ATP6V1C2: variants seen among roughly 807,000 people sequenced by gnomAD.
ATP6V1C2 encodes ATPase H+ transporting V1 subunit C2, also known as V-type proton ATPase subunit C 2.
Under a neutral mutation model 56.8 loss-of-function variants are expected in ATP6V1C2, and 45 were observed. The observed-to-expected ratio is 0.79, with a 90% CI of 0.62 to 1.02. The LOEUF (loss-of-function observed/expected upper bound fraction) is 1.02, where lower values mean the gene tolerates loss of function less well. ATP6V1C2 is among the 50% of genes least tolerant of loss of function. ATP6V1C2 has a pLI of 0.00. For missense variants in ATP6V1C2, 463 were observed against 519.7 expected (o/e 0.89, Z 1.06); for synonymous variants, 220 against 201.3 (o/e 1.09, Z -0.79).
chr2:10,775,918 C>G (rs1396061058), intron 10 of ATP6V1C2, among the ~76,000 whole-genome samples: 1 of 152,078 alleles, frequency 6.6e-6, no homozygotes, highest in Non-Finnish European at 1.5e-5. Context: ...TTCTTGAGGC[C>G]TTTGGGGGAA....
chr2:10,755,212 T>A (rs1484874042), intron 4 of ATP6V1C2, among the ~76,000 whole-genome samples: 1 of 152,116 alleles, frequency 6.6e-6, no homozygotes, highest in East Asian at 1.9e-4. Context: ...AGTTTTGTAT[T>A]TTTAGTAGAG....
intron 4 of ATP6V1C2, chr2:10,757,604 A>G (rs1430956018): frequency 2.5e-6 from 1 of 396,322 alleles, no homozygotes; most frequent in African/African-American, 2.1e-5. Context: ...CACAATATCC[A>G]TATGACACAG....
rs749208299 is a variant in ATP6V1C2, at chr2:10,763,763, C to G, written c.284-568C>G. On this transcript the variant is annotated intron_variant, in intron 4 of 13. Coordinates refer to ENST00000272238, the MANE Select transcript of ATP6V1C2 (RefSeq NM_001039362.2). The surrounding 1 kb of genome is among the most constrained non-coding windows in gnomAD (Gnocchi z 4.2). ...GAAGAGAGCAGGCAAGGTGCCACTCCGCTGTGTCTCAGGTAGGGAAATTGA... is the reference window on the plus strand; with the variant it reads ...GAAGAGAGCAGGCAAGGTGCCACTCGGCTGTGTCTCAGGTAGGGAAATTGA... Among the ~76,000 whole-genome samples the G allele has an allele frequency of 6.6e-6, 1 of 152,166 alleles. No individual in the cohort carries two copies. Among genetic ancestry groups the G allele is most frequent in the South Asian group, 2.1e-4 (1 of 4,834 alleles).
At chr2:10,750,042 T>C (rs1215940594) in intron 3 of ATP6V1C2, among the ~76,000 whole-genome samples, 1 of 152,246 alleles carries the variant, frequency 6.6e-6, no homozygotes, top group Non-Finnish European at 1.5e-5. Flanking sequence ...AGAAAAATTT[T>C]CTGATTAAGT....
At chr2:10,746,318 G>A (rs907157894) in intron 3 of ATP6V1C2, among the ~76,000 whole-genome samples, 1 of 151,886 alleles carries the variant, frequency 6.6e-6, no homozygotes, top group Non-Finnish European at 1.5e-5. Context: ...TGTTAATAAT[G>A]CCGCTATGTT....
chr2:10,726,069 A>G (rs1661623502), intron 2 of ATP6V1C2, among the ~76,000 whole-genome samples: 1 of 152,116 alleles, frequency 6.6e-6, no homozygotes. Context: ...AACAAGAGCG[A>G]AACTCCATCT....
intron 2 of ATP6V1C2, among the ~76,000 whole-genome samples, chr2:10,725,318 G>A (rs1398640804): frequency 1.3e-5 from 2 of 149,544 alleles, no homozygotes; most frequent in African/African-American, 5.1e-5. Context: ...GGGAGGCTGA[G>A]GCAGAAGAAT....
In ATP6V1C2 at chr2:10,784,285, A is replaced by G; in HGVS notation, c.*1022A>G. 6 of 1,613,348 alleles carry G rather than the reference A, an allele frequency of 3.7e-6. No individual in the cohort carries two copies. Among genetic ancestry groups the G allele is most frequent in the Non-Finnish European group, 5.1e-6 (6 of 1,179,840 alleles). On this transcript the variant is annotated 3_prime_UTR_variant, in exon 14 of 14. Coordinates refer to ENST00000272238, the MANE Select transcript of ATP6V1C2 (RefSeq NM_001039362.2). ...ACAACTCATCTTTCCCTAAGTCATCAAGCTCCACATCACTGAGGTCAATGT... is the reference window on the plus strand; with the variant it reads ...ACAACTCATCTTTCCCTAAGTCATCGAGCTCCACATCACTGAGGTCAATGT...
In ATP6V1C2 at chr2:10,778,473, C is replaced by T. The variant is rs1347756008; in HGVS notation, c.964-99C>T. 3.6e-6 allele frequency: 4 copies of T among 1,119,968 alleles called. No homozygotes were observed. The East Asian group carries it at 9.8e-5, about 27-fold the overall frequency. 69.4% of individuals were successfully genotyped at this position (1,119,968 alleles called of 1,614,324 possible). The stretch of plus-strand genomic sequence containing the variant: ...TGCTTCTGGCTCCTGGGCACTTCTT[C>T]TCAGCTCAGGGCGTGCTCTGTCAAA... On this transcript the variant is annotated intron_variant, in intron 11 of 13. Coordinates refer to ENST00000272238, the MANE Select transcript of ATP6V1C2 (RefSeq NM_001039362.2).
intron 5 of ATP6V1C2, among the ~76,000 whole-genome samples, chr2:10,767,704 C>T (rs1039983662): frequency 2.6e-5 from 4 of 152,160 alleles, no homozygotes; most frequent in Non-Finnish European, 5.9e-5. Flanking sequence ...GTGATCTGCC[C>T]GCCTCGGCCT....
intron 5 of ATP6V1C2, among the ~76,000 whole-genome samples, chr2:10,765,917 C>T (rs1664189402): frequency 6.6e-6 from 1 of 152,186 alleles, no homozygotes; most frequent in South Asian, 2.1e-4. Context: ...CCTAGAGTGC[C>T]TTTGGCAGGA....
intron 12 of ATP6V1C2, among the ~76,000 whole-genome samples, chr2:10,781,108 G>A (rs147366673): frequency 0.02 from 3,035 of 152,232 alleles, 54 homozygotes; most frequent in Middle Eastern, 0.034. Context: ...CACAGAGACA[G>A]GACAGGGCCG....
At chr2:10,734,227 C>T (rs895761128) in intron 3 of ATP6V1C2, among the ~76,000 whole-genome samples, 1 of 151,996 alleles carries the variant, frequency 6.6e-6, no homozygotes, top group East Asian at 1.9e-4. Context: ...GCCTCTTCAC[C>T]CCTCCTCCTC....
At chr2:10,754,139 GC>G in intron 4 of ATP6V1C2, 73 bp downstream of exon 4, 1 of 1,295,780 alleles carries the variant, frequency 7.7e-7, no homozygotes, top group Non-Finnish European at 1.1e-6. Context: ...CCTTGCTGTG[GC>G]CACACAGCAA....
chr2:10,769,235 C>CCT (rs1664432161), intron 6 of ATP6V1C2, among the ~76,000 whole-genome samples: 2 of 152,224 alleles, frequency 1.3e-5, no homozygotes, highest in Non-Finnish European at 2.9e-5. Flanking sequence ...GCCTCAGGGA[C>CCT]TCAGGTGCCT....
At chr2:10,770,613 G>C (rs1262939007) in intron 6 of ATP6V1C2, among the ~76,000 whole-genome samples, 10 of 152,264 alleles carry the variant, frequency 6.6e-5, no homozygotes, top group Non-Finnish European at 1.3e-4. Flanking sequence ...GATTTCTTCA[G>C]GATTGGTTGG....
chr2:10,741,134 G>A (rs1452572194), intron 3 of ATP6V1C2, among the ~76,000 whole-genome samples: 1 of 152,208 alleles, frequency 6.6e-6, no homozygotes, highest in Non-Finnish European at 1.5e-5. Flanking sequence ...GCAGAGGGGA[G>A]CCCCTCTAAA....
intron 3 of ATP6V1C2, among the ~76,000 whole-genome samples, chr2:10,731,603 G>A (rs1661955719): frequency 6.6e-6 from 1 of 152,238 alleles, no homozygotes; most frequent in Non-Finnish European, 1.5e-5. Context: ...CTAGGCTAGT[G>A]AATGCCTTAG....
At chr2:10,779,998 C>T (rs1227099505) in intron 12 of ATP6V1C2, among the ~76,000 whole-genome samples, 2 of 152,164 alleles carry the variant, frequency 1.3e-5, no homozygotes, top group African/African-American at 2.4e-5. Context: ...CTGGGCTCCT[C>T]CAGCCCCTGA....
Sources: gnomAD v4.1 joint callset for allele counts (sites outside exome capture counted in the v4.1 genomes callset) on GRCh38, gnomAD v4.1.1 for gene constraint, Gnocchi (gnomAD v3.1) non-coding constraint, MANE v1.5 for transcripts, NCBI Gene and HGNC (gene_info 2026-07-23, HGNC 2026-07-21) for gene names.